HAUS5: variants seen among roughly 807,000 people sequenced by gnomAD.
HAUS5 encodes the protein HAUS augmin-like complex subunit 5.
HAUS5 carries 67 observed loss-of-function variants against 94.1 expected under a neutral mutation model. The observed-to-expected ratio is 0.71, with a 90% CI of 0.58 to 0.87. The LOEUF is 0.87. Ranked by LOEUF, HAUS5 falls within the 40% of genes least tolerant of loss-of-function variation. HAUS5 has a pLI of 0.00. For missense variants in HAUS5, 739 were observed against 825.6 expected, an observed-to-expected ratio of 0.90 and a Z score of 1.29; for synonymous variants, 339 against 355.4, an observed-to-expected ratio of 0.95 and a Z score of 0.52.
rs1967274561 is a variant in HAUS5, at chr19:35,624,462, C to CTTTG, written c.*1472_*1473insGTTT. 6.7e-6 allele frequency: 1 copy of CTTTG among 148,352 alleles called. No homozygotes were observed. Among genetic ancestry groups the CTTTG allele is most frequent in the South Asian group, 2.1e-4 (1 of 4,704 alleles). 9.2% of individuals were successfully genotyped at this position (148,352 alleles called of 1,614,324 possible). A position where few individuals can be genotyped will look rare whatever the true frequency, so the allele number is the denominator to read the frequency against. On this transcript the variant is annotated 3_prime_UTR_variant, in exon 19 of 19. Transcript: ENST00000203166. ...TAGGTGCTTTTCTTTTTCTTTCTTT[C>CTTTG]TTTCTTTTTTTGAGACAGAATCTGG... is the stretch of plus-strand genomic sequence containing the variant.
At position 35,620,274 on chromosome 19, in the gene HAUS5, G is replaced by T. The variant is rs753164530; in HGVS notation, c.1598G>T (p.Cys533Phe). The change falls in exon 17 of 19, where the codon TGC becomes TTC. Residue 533 changes from cysteine (C) to phenylalanine (F), a missense_variant. Physicochemically the swap from Cys to Phe is radical, Grantham distance 205. Transcript: ENST00000203166. Reference protein sequence around the residue: ...LLLQDQRSLWCWDLLHMKTSL... With the variant: ...LLLQDQRSLWFWDLLHMKTSL... ...CTGCAGGACCAGCGGAGCCTCTGGT[G>T]CTGGGATCTACTCCACATGAAGACC... 3 of 1,613,660 alleles carry T rather than the reference G, an allele frequency of 1.9e-6. No individual in the cohort carries two copies. Among genetic ancestry groups the T allele is most frequent in the Non-Finnish European group, 2.5e-6 (3 of 1,179,888 alleles).
chr19:35,615,212 C>T lies in HAUS5; in HGVS notation c.326-15C>T. 1 of 1,613,458 alleles carries T rather than the reference C, an allele frequency of 6.2e-7. No homozygotes were observed. The highest frequency in any genetic ancestry group is 2.2e-5 in the East Asian group (1 of 44,858). ...GCGGGAAAGGTGCTGATGGCCACCC[C>T]TGTTCCTCCCACAGACACGGCCATG... is the stretch of plus-strand genomic sequence containing the variant. On this transcript the variant is annotated splice_polypyrimidine_tract_variant and intron_variant, in intron 5 of 18. Coordinates refer to ENST00000203166, the MANE Select transcript of HAUS5 (RefSeq NM_015302.2).
At chr19:35,622,574 G>C (rs755545716) in intron 17 of HAUS5, 27 bp from the exon 18 acceptor site, 2 of 1,610,544 alleles carry the variant, frequency 1.2e-6, no homozygotes, top group South Asian at 2.2e-5. Flanking sequence ...AGGACTCAAA[G>C]CTGCCTCCTG....
In HAUS5 at chr19:35,623,750, G is replaced by C. The variant is rs1967257322; in HGVS notation, c.*757G>C. 6.6e-6 allele frequency: 1 copy of C among 152,232 alleles called. No individual in the cohort carries two copies. Among genetic ancestry groups the C allele is most frequent in the Admixed American group, 6.5e-5 (1 of 15,280 alleles). The allele number at this position is 152,232 out of a possible 1,614,324, so 9.4% of individuals were successfully genotyped here. A position where few individuals can be genotyped will look rare whatever the true frequency, so the allele number is the denominator to read the frequency against. Reference sequence around the variant, plus strand: ...AGTCAGAGTGGCAGTTGCCTCTGAGGGAAGGTGGGTGGCAGGGATCAACTG... The same window carrying C: ...AGTCAGAGTGGCAGTTGCCTCTGAGCGAAGGTGGGTGGCAGGGATCAACTG... On this transcript the variant is annotated 3_prime_UTR_variant, in exon 19 of 19. Coordinates refer to ENST00000203166, the MANE Select transcript of HAUS5 (RefSeq NM_015302.2).
chr19:35,618,013 G>A (rs1204860591), intron 9 of HAUS5, 58 bp from the exon 10 acceptor site: 1 of 1,596,136 alleles, frequency 6.3e-7, no homozygotes, highest in South Asian at 1.1e-5. Flanking sequence ...ATTCCCATGG[G>A]GTCTCAGCTC....
chr19:35,618,865 C>T (rs200236290), intron 12 of HAUS5, 22 bp from the exon 13 acceptor site: 2 of 1,585,682 alleles, frequency 1.3e-6, no homozygotes, highest in African/African-American at 2.7e-5. Flanking sequence ...CTCTCCTTTG[C>T]TCTCCTCCAC....
chr19:35,617,355 G>C lies in HAUS5; in HGVS notation c.624G>C (p.Lys208Asn), dbSNP rs370452206. 1.9e-6 allele frequency: 3 copies of C among 1,613,122 alleles called. No homozygotes were observed. In the African/African-American group the frequency reaches 4.0e-5, roughly 22 times the overall value. The change falls in exon 8 of 19, where the codon AAG becomes AAC. Residue 208 changes from lysine (K) to asparagine (N), a missense_variant. Physicochemically the swap from Lys to Asn is moderately conservative, Grantham distance 94. Coordinates refer to ENST00000203166, the MANE Select transcript of HAUS5 (RefSeq NM_015302.2). ...AGAACCTCCTGCTTCCCCAGGCCAA[G>C]AGGGGCAGCCTCCCGTGAGTGTCCC... is the stretch of plus-strand genomic sequence containing the variant. ...FLQNLLLPQA[K>N]RGSLPTPHDD...
chr19:35,622,477 T>A, intron 17 of HAUS5, 124 bp from the exon 18 acceptor site: 1 of 927,560 alleles, frequency 1.1e-6, no homozygotes, highest in Non-Finnish European at 1.6e-6. Flanking sequence ...GGAGACAGAC[T>A]CATCATTGGT....
At chr19:35,613,924 C>A (rs764898884) in intron 3 of HAUS5, 24 bp downstream of exon 3, 18 of 1,613,340 alleles carry the variant, frequency 1.1e-5, no homozygotes, top group Non-Finnish European at 1.5e-5. Context: ...AAAGCTATCC[C>A]CTCCTGTCTT....
intron 6 of HAUS5, among the ~76,000 whole-genome samples, chr19:35,616,422 T>C (rs1427438360): frequency 6.6e-6 from 1 of 152,186 alleles, no homozygotes; most frequent in Non-Finnish European, 1.5e-5. Context: ...ACCAAGCTTA[T>C]AGGGTAGGCA....
Position 35,612,893 on chromosome 19 carries a change from G to T in HAUS5, c.98+1G>T. ...GGGCCCCGGAATCGACGCTGCGCAG[G>T]TGAGGACCGCTCCTGGAGTGAGGAC... On this transcript the variant is annotated splice_donor_variant, in intron 1 of 18. Coordinates refer to ENST00000203166, the MANE Select transcript of HAUS5 (RefSeq NM_015302.2). LOFTEE classifies it high-confidence loss of function. 6.5e-7 allele frequency: 1 copy of T among 1,538,566 alleles called. No homozygotes were observed. The highest frequency in any genetic ancestry group is 8.8e-7 in the Non-Finnish European group (1 of 1,142,020).
chr19:35,618,079 G>T lies in HAUS5; in HGVS notation c.705G>T (p.Leu235=). ...ACCCTCCCTCCCCCTAGACGCTGCT[G>T]ACAAACCACCCCCCAGGCCACGTCC... is the stretch of plus-strand genomic sequence containing the variant. ...QQWLSSVETL[L]TNHPPGHVLA... The change falls in exon 10 of 19, where the codon CTG becomes CTT. Residue 235 remains leucine (L), a synonymous_variant. Coordinates refer to ENST00000203166, the MANE Select transcript of HAUS5 (RefSeq NM_015302.2). 6.3e-7 allele frequency: 1 copy of T among 1,594,118 alleles called. No homozygotes were observed. The highest frequency in any genetic ancestry group is 1.1e-5 in the South Asian group (1 of 88,662).
chr19:35,613,849 T>G lies in HAUS5; in HGVS notation c.162-19T>G. On this transcript the variant is annotated intron_variant, in intron 2 of 18. Coordinates refer to ENST00000203166, the MANE Select transcript of HAUS5 (RefSeq NM_015302.2). ...AGGTGAGGCCCATAGTAACTCCTCTTTCTGCCTCTGCACTGTAGGACTGTC... is the reference window on the plus strand; with the variant it reads ...AGGTGAGGCCCATAGTAACTCCTCTGTCTGCCTCTGCACTGTAGGACTGTC... 6.2e-7 allele frequency: 1 copy of G among 1,614,108 alleles called. No individual in the cohort carries two copies. Among genetic ancestry groups the G allele is most frequent in the Non-Finnish European group, 8.5e-7 (1 of 1,179,986 alleles).
Position 35,625,337 on chromosome 19 carries a change from T to C in HAUS5, c.*2344T>C, listed in dbSNP as rs2146344595. ...TGGAAATATCAGAATAAAGTCATGA[T>C]TTTTCTCTTTCTAAAAAATATGTAT... On this transcript the variant is annotated 3_prime_UTR_variant, in exon 19 of 19. Transcript: ENST00000203166. 1 of 152,318 alleles carries C rather than the reference T, an allele frequency of 6.6e-6. No individual in the cohort carries two copies. Among genetic ancestry groups the C allele is most frequent in the African/African-American group, 2.4e-5 (1 of 41,564 alleles). The allele number at this position is 152,318 out of a possible 1,614,324, so 9.4% of individuals were successfully genotyped here. A position where few individuals can be genotyped will look rare whatever the true frequency, so the allele number is the denominator to read the frequency against.
chr19:35,618,695 G>A lies in HAUS5; in HGVS notation c.1012G>A (p.Glu338Lys), dbSNP rs367891016. 1 of 1,589,782 alleles carries A rather than the reference G, an allele frequency of 6.3e-7. No individual in the cohort carries two copies. Among genetic ancestry groups the A allele is most frequent in the Non-Finnish European group, 8.6e-7 (1 of 1,165,044 alleles). The change falls in exon 12 of 19, where the codon GAG becomes AAG. Residue 338 changes from glutamate to lysine, a missense_variant. By Grantham distance (56) the Glu-to-Lys change is moderately conservative. Coordinates refer to ENST00000203166, the MANE Select transcript of HAUS5 (RefSeq NM_015302.2). ...GGAGAGACGCGTCCTGGGATCCAGT[G>A]AGAGGTGGGGGGCTCTCCGAGAAGA... is the stretch of plus-strand genomic sequence containing the variant. ...EVERRVLGSS[E>K]RQVLILGLRR...
Position 35,612,742 on chromosome 19 carries a change from G to A in HAUS5, c.-53G>A, listed in dbSNP as rs2071904991. The A allele has an allele frequency of 7.5e-7, 1 of 1,338,130 alleles. No individual in the cohort carries two copies. The highest frequency in any genetic ancestry group is 1.3e-5 in the South Asian group (1 of 75,192). 82.9% of individuals were successfully genotyped at this position (1,338,130 alleles called of 1,614,324 possible). A position where few individuals can be genotyped will look rare whatever the true frequency, so the allele number is the denominator to read the frequency against. ...TGGCGCGCCCGTGACGTCAGAGGCG[G>A]GCGCCACACTTGAAGAGGCTGAGGG... On this transcript the variant is annotated 5_prime_UTR_variant, in exon 1 of 19. Coordinates refer to ENST00000203166, the MANE Select transcript of HAUS5 (RefSeq NM_015302.2).
chr19:35,618,816 T>C, intron 12 of HAUS5, 71 bp from the exon 13 acceptor site: 1 of 1,531,136 alleles, frequency 6.5e-7, no homozygotes, highest in Non-Finnish European at 8.8e-7. Flanking sequence ...GCAGTGTCTC[T>C]CCCTGGTTTA....
At chr19:35,614,992 C>T in intron 4 of HAUS5, 50 bp from the exon 5 acceptor site, 1 of 1,406,904 alleles carries the variant, frequency 7.1e-7, no homozygotes, top group South Asian at 1.2e-5. Context: ...AAAAGACAGG[C>T]CAGGCTGAGC....
intron 4 of HAUS5, 143 bp from the exon 5 acceptor site, chr19:35,614,899 C>T: frequency 1.6e-6 from 1 of 616,488 alleles, no homozygotes; most frequent in Non-Finnish European, 2.9e-6. Flanking sequence ...AGGGAGGGAG[C>T]CAATACCCTA....
Sources: allele counts gnomAD v4.1 joint callset (sites outside exome capture counted in the v4.1 genomes callset), GRCh38; gene constraint gnomAD v4.1.1; transcripts MANE v1.5; gene names NCBI Gene and HGNC (gene_info 2026-07-23, HGNC 2026-07-21).